SPTBN1: variants seen among roughly 807,000 people sequenced by gnomAD.
The protein encoded by SPTBN1 is spectrin beta chain, non-erythrocytic 1.
SPTBN1 carries 32 observed loss-of-function variants against 266.4 expected under a neutral mutation model. The observed-to-expected ratio is 0.12, with a 90% CI of 0.09 to 0.16. The LOEUF (loss-of-function observed/expected upper bound fraction) is 0.16. Ranked by LOEUF, SPTBN1 falls within the 10% of genes least tolerant of loss-of-function variation. The pLI, the probability that SPTBN1 is intolerant of heterozygous loss-of-function variation, is 1.00. For synonymous variants in SPTBN1, 1,336 were observed against 1,162.2 expected, an observed-to-expected ratio of 1.15 and a Z score of -3.04; for missense variants, 2,296 against 3,067.1, an observed-to-expected ratio of 0.75 and a Z score of 5.94.
chr2:54,501,153 G>T lies in SPTBN1; in HGVS notation c.-47-25219G>T, dbSNP rs957938705. Among the ~76,000 whole-genome samples the T allele has an allele frequency of 2.0e-5, 3 of 152,194 alleles. No homozygotes were observed. In the East Asian group the frequency reaches 5.8e-4, roughly 29 times the overall value. On this transcript the variant is annotated intron_variant, in intron 1 of 35. Coordinates refer to ENST00000356805, the MANE Select transcript of SPTBN1 (RefSeq NM_003128.3). Reference sequence around the variant, plus strand: ...CAGGCTAGGCAGCTGCAGAGAGCAGGACTCTGGGGTCCCCAGTGAGGAGGA... The same window carrying T: ...CAGGCTAGGCAGCTGCAGAGAGCAGTACTCTGGGGTCCCCAGTGAGGAGGA...
At chr2:54,532,832 TCTA>T (rs1179443630) in intron 2 of SPTBN1, among the ~76,000 whole-genome samples, 4 of 152,224 alleles carry the variant, frequency 2.6e-5, no homozygotes, top group Admixed American at 1.3e-4. Flanking sequence ...TTGTGTTGAT[TCTA>T]CTGTGAGACA....
intron 2 of SPTBN1, among the ~76,000 whole-genome samples, chr2:54,575,440 G>A (rs1291301087): frequency 6.6e-6 from 1 of 152,240 alleles, no homozygotes; most frequent in African/African-American, 2.4e-5. Context: ...TGTTGCAAGA[G>A]CGTAACATTG....
At chr2:54,581,577 C>CTTTTTTTGTTTTTTTTTTTTTTTT in intron 2 of SPTBN1, among the ~76,000 whole-genome samples, 1 of 102,662 alleles carries the variant, frequency 9.7e-6, no homozygotes, top group East Asian at 2.6e-4. Flanking sequence ...TTTCTTTGCC[C>CTTTTTTTGTTTTTTTTTTTTTTTT]TTTTTTTTTT....
intron 3 of SPTBN1, among the ~76,000 whole-genome samples, chr2:54,606,364 T>C (rs1305589571): frequency 6.6e-6 from 1 of 152,132 alleles, no homozygotes; most frequent in Non-Finnish European, 1.5e-5. Flanking sequence ...GAAGTTTCTG[T>C]CCCCCTTGAT....
chr2:54,639,933 C>G (rs537576916), intron 18 of SPTBN1, among the ~76,000 whole-genome samples: 2 of 152,260 alleles, frequency 1.3e-5, no homozygotes, highest in South Asian at 4.1e-4. Flanking sequence ...ATCCTGTCTT[C>G]CCTTGTCCTG....
chr2:54,596,950 C>G (rs1039903683), intron 2 of SPTBN1, among the ~76,000 whole-genome samples: 1 of 152,168 alleles, frequency 6.6e-6, no homozygotes, highest in African/African-American at 2.4e-5. Context: ...CCTGTTAATT[C>G]AAAACCTGAA....
intron 3 of SPTBN1, among the ~76,000 whole-genome samples, chr2:54,610,095 T>A (rs532101744): frequency 1.8e-4 from 20 of 113,520 alleles, no homozygotes; most frequent in Non-Finnish European, 3.1e-4. Context: ...TTGATTTTCT[T>A]AATGGTGCCT....
rs1188331452 is a variant in SPTBN1, at chr2:54,558,868, C to T, written c.148+32302C>T. 6.2e-7 allele frequency: 1 copy of T among 1,613,536 alleles called. No individual in the cohort carries two copies. Among genetic ancestry groups the T allele is most frequent in the African/African-American group, 1.3e-5 (1 of 74,924 alleles). ...CTTACAACTACAACCAGCTGGAAGGCAGATTCAAGCAGCTGCAAGGTAAGC... is the reference window on the plus strand; with the variant it reads ...CTTACAACTACAACCAGCTGGAAGGTAGATTCAAGCAGCTGCAAGGTAAGC... On this transcript the variant is annotated intron_variant, in intron 2 of 35. Transcript: ENST00000356805. The surrounding 1 kb of genome is among the most constrained non-coding windows in gnomAD (Gnocchi z 4.6).
chr2:54,647,061 G>A, intron 23 of SPTBN1, 70 bp from the exon 24 acceptor site: 1 of 1,606,984 alleles, frequency 6.2e-7, no homozygotes, highest in Non-Finnish European at 8.5e-7. Flanking sequence ...CTGAGCAGCT[G>A]GTCTGTCACT....
At chr2:54,484,907 T>C (rs185393645) in intron 1 of SPTBN1, among the ~76,000 whole-genome samples, 11 of 151,826 alleles carry the variant, frequency 7.2e-5, no homozygotes, top group Admixed American at 2.0e-4. Flanking sequence ...CTTCCTGATA[T>C]AGTATGTCAG....
At chr2:54,523,411 G>C (rs1200116405) in intron 1 of SPTBN1, among the ~76,000 whole-genome samples, 3 of 152,342 alleles carry the variant, frequency 2.0e-5, no homozygotes, top group African/African-American at 7.2e-5. Flanking sequence ...TTGTGGCTCA[G>C]TGGTAAAGTG....
Position 54,599,909 on chromosome 2 carries a change from A to G in SPTBN1, c.300+666A>G, listed in dbSNP as rs118028317. 8.2e-4 allele frequency among the ~76,000 whole-genome samples: 125 copies of G among 152,348 alleles called. 3 individuals carry two copies. In the East Asian group the frequency reaches 0.022, roughly 27 times the overall value. On this transcript the variant is annotated intron_variant, in intron 3 of 35. Coordinates refer to ENST00000356805, the MANE Select transcript of SPTBN1 (RefSeq NM_003128.3). ...ACCTTATACCAAAGAAGCTTAAAGC[A>G]GTCACTGTGACTGATCCAACAGGTT...
chr2:54,567,613 A>G (rs1673752530), intron 2 of SPTBN1, among the ~76,000 whole-genome samples: 1 of 152,164 alleles, frequency 6.6e-6, no homozygotes, highest in Non-Finnish European at 1.5e-5. Flanking sequence ...GCAATTTGCT[A>G]CATTCATGTA....
At chr2:54,514,113 G>A (rs1669993124) in intron 1 of SPTBN1, among the ~76,000 whole-genome samples, 1 of 152,190 alleles carries the variant, frequency 6.6e-6, no homozygotes. Flanking sequence ...AAATCCATTT[G>A]TAATATCACT....
chr2:54,660,595 T>C, intron 32 of SPTBN1: 1 of 985,526 alleles, frequency 1.0e-6, no homozygotes, highest in Non-Finnish European at 1.2e-6. Context: ...CATTCATTTA[T>C]TGAAGATGAC....
At chr2:54,579,175 T>G (rs1674700345) in intron 2 of SPTBN1, among the ~76,000 whole-genome samples, 1 of 152,194 alleles carries the variant, frequency 6.6e-6, no homozygotes. Context: ...TTTCTCTAGC[T>G]CATGACCTCT....
chr2:54,566,216 T>A (rs1285107057), intron 2 of SPTBN1, among the ~76,000 whole-genome samples: 6 of 139,032 alleles, frequency 4.3e-5, no homozygotes, highest in Non-Finnish European at 6.1e-5. Flanking sequence ...TGAGATGGAG[T>A]GTCACTGTGT....
At chr2:54,523,091 A>G (rs1670585729) in intron 1 of SPTBN1, among the ~76,000 whole-genome samples, 1 of 152,222 alleles carries the variant, frequency 6.6e-6, no homozygotes, top group South Asian at 2.1e-4. Context: ...CATGAAAGTT[A>G]ACTATATTCA....
At chr2:54,468,834 A>G (rs1204163789) in intron 1 of SPTBN1, among the ~76,000 whole-genome samples, 2 of 152,330 alleles carry the variant, frequency 1.3e-5, no homozygotes, top group African/African-American at 4.8e-5. Flanking sequence ...TATGCTTCGG[A>G]CAACATCTGA....
Sources: gnomAD v4.1 joint callset for allele counts (sites outside exome capture counted in the v4.1 genomes callset) on GRCh38, gnomAD v4.1.1 for gene constraint, Gnocchi (gnomAD v3.1) non-coding constraint, MANE v1.5 for transcripts, NCBI Gene and HGNC (gene_info 2026-07-23, HGNC 2026-07-21) for gene names.